Variants in ARL15 observed in about 807,000 individuals in gnomAD.
ARL15 encodes ADP-ribosylation factor-like protein 15.
Under a neutral mutation model 25.2 loss-of-function variants are expected in ARL15, and 19 were observed. The ratio of observed to expected loss-of-function variants is 0.75; its 90% CI spans 0.53 to 1.10. The LOEUF (loss-of-function observed/expected upper bound fraction) is 1.10. Among genes scored for constraint, ARL15 ranks in the 50% least tolerant of loss-of-function variants. The pLI, the probability that ARL15 is intolerant of heterozygous loss-of-function variation, is 0.00. For synonymous variants in ARL15, 94 were observed against 86.8 expected, an observed-to-expected ratio of 1.08 and a Z score of -0.46; for missense variants, 220 against 246.0, an observed-to-expected ratio of 0.89 and a Z score of 0.71.
intron 3 of ARL15, among the ~76,000 whole-genome samples, chr5:54,148,142 A>T (rs1384265573): frequency 6.6e-6 from 1 of 152,240 alleles, no homozygotes; most frequent in Non-Finnish European, 1.5e-5. Context: ...TGTGTACAAA[A>T]GACAGAAACT....
At chr5:54,228,206 C>A (rs1756576236) in intron 1 of ARL15, among the ~76,000 whole-genome samples, 1 of 152,114 alleles carries the variant, frequency 6.6e-6, no homozygotes, top group South Asian at 2.1e-4. Context: ...GCAAAGGGGA[C>A]AAAAATTATC....
At chr5:54,267,842 T>A (rs991837166) in intron 1 of ARL15, among the ~76,000 whole-genome samples, 20 of 152,158 alleles carry the variant, frequency 1.3e-4, no homozygotes, top group African/African-American at 4.8e-4. Context: ...GATCCGCTGT[T>A]AGTCTGATGG....
chr5:54,125,656 A>T, intron 3 of ARL15, among the ~76,000 whole-genome samples: 1 of 152,326 alleles, frequency 6.6e-6, no homozygotes, highest in East Asian at 1.9e-4. Context: ...TTGTTTGAAC[A>T]TCTGTTTTCA....
At chr5:54,135,343 T>TA (rs1753570588) in intron 3 of ARL15, among the ~76,000 whole-genome samples, 1 of 152,174 alleles carries the variant, frequency 6.6e-6, no homozygotes, top group African/African-American at 2.4e-5. Flanking sequence ...ATCATGCTTC[T>TA]AGGCACATAT....
intron 4 of ARL15, among the ~76,000 whole-genome samples, chr5:54,080,000 CACACACACACACACACAG>C (rs68038230): frequency 0.016 from 2,008 of 128,432 alleles, 15 homozygotes; most frequent in Admixed American, 0.022. Flanking sequence ...CACACACACA[CACACACACACACACACAG>C]ACACAGATGT....
chr5:53,997,501 C>T (rs1748719798), intron 4 of ARL15, among the ~76,000 whole-genome samples: 1 of 152,144 alleles, frequency 6.6e-6, no homozygotes, highest in Non-Finnish European at 1.5e-5. Context: ...TCCTCATCAC[C>T]TGATAATTTT....
chr5:53,925,376 T>G (rs994272761), intron 4 of ARL15, among the ~76,000 whole-genome samples: 2 of 152,020 alleles, frequency 1.3e-5, no homozygotes, highest in Non-Finnish European at 2.9e-5. Flanking sequence ...TTTTTACTAT[T>G]TGTAGAGACA....
At chr5:54,067,925 TGTCACACAC>T (rs1244160024) in intron 4 of ARL15, among the ~76,000 whole-genome samples, 6 of 152,208 alleles carry the variant, frequency 3.9e-5, no homozygotes, top group African/African-American at 1.4e-4. Flanking sequence ...TTTTATAGCA[TGTCACACAC>T]ACCACCTTTA....
At chr5:54,043,216 T>C (rs970825822) in intron 4 of ARL15, among the ~76,000 whole-genome samples, 3 of 147,520 alleles carry the variant, frequency 2.0e-5, no homozygotes, top group Non-Finnish European at 4.5e-5. Context: ...TTTTTTTTTT[T>C]AGTACTTTAT....
At chr5:54,029,909 A>G (rs551935446) in intron 4 of ARL15, among the ~76,000 whole-genome samples, 15 of 152,256 alleles carry the variant, frequency 9.9e-5, no homozygotes, top group African/African-American at 3.1e-4. Context: ...AGGCAGGAGA[A>G]TTACGTGAAC....
At chr5:54,289,425 A>G (rs1758266639) in intron 1 of ARL15, among the ~76,000 whole-genome samples, 1 of 152,162 alleles carries the variant, frequency 6.6e-6, no homozygotes, top group Non-Finnish European at 1.5e-5. Context: ...TATTTTTAAG[A>G]GCAGACGTGG....
chr5:54,255,207 A>ATT lies in ARL15; in HGVS notation c.48+55223_48+55224dup, dbSNP rs35565598. 3.0e-3 allele frequency among the ~76,000 whole-genome samples: 445 copies of ATT among 149,854 alleles called. 2 individuals carry two copies. The highest frequency in any genetic ancestry group is 0.01 in the African/African-American group (410 of 40,944). On this transcript the variant is annotated intron_variant, in intron 1 of 4. Coordinates refer to ENST00000504924, the MANE Select transcript of ARL15 (RefSeq NM_019087.3). ...AATGTTCCAAACTCTACTCCACGTC[A>ATT]TTTTTTTTTTATCCTTGCATTTACT...
At chr5:54,222,466 C>T (rs1756405470) in intron 1 of ARL15, among the ~76,000 whole-genome samples, 1 of 152,200 alleles carries the variant, frequency 6.6e-6, no homozygotes, top group Non-Finnish European at 1.5e-5. Flanking sequence ...GTACTTGTTC[C>T]ACAGAAGTCA....
chr5:54,126,684 G>C (rs1003349472), intron 3 of ARL15, among the ~76,000 whole-genome samples: 1 of 152,158 alleles, frequency 6.6e-6, no homozygotes, highest in Admixed American at 6.5e-5. Context: ...AAAGGCTTCA[G>C]GCTGTCAGTT....
intron 2 of ARL15, among the ~76,000 whole-genome samples, chr5:54,165,640 T>C (rs1754539504): frequency 6.6e-6 from 1 of 151,372 alleles, no homozygotes; most frequent in Admixed American, 6.6e-5. Flanking sequence ...TGTACTACTT[T>C]GTTCTCAAGA....
chr5:53,916,940 T>C lies in ARL15; in HGVS notation c.463-30227A>G, dbSNP rs1160903000. ...CCTCCGATATTCAGTAGTCACTCTATTCATATATATATGAAGGAAATCACT... is the reference window on the plus strand; with the variant it reads ...CCTCCGATATTCAGTAGTCACTCTACTCATATATATATGAAGGAAATCACT... On this transcript the variant is annotated intron_variant, in intron 4 of 4. Coordinates refer to ENST00000504924, the MANE Select transcript of ARL15 (RefSeq NM_019087.3). Among the ~76,000 whole-genome samples the C allele has an allele frequency of 3.3e-5, 5 of 152,334 alleles. No homozygotes were observed. The East Asian group carries it at 9.6e-4, about 29-fold the overall frequency.
At chr5:54,017,870 T>G (rs1426296868) in intron 4 of ARL15, among the ~76,000 whole-genome samples, 3 of 152,048 alleles carry the variant, frequency 2.0e-5, no homozygotes, top group African/African-American at 7.2e-5. Flanking sequence ...AAAATCGGAA[T>G]GGACTTCAGT....
Position 54,096,298 on chromosome 5 carries a change from A to G in ARL15, c.462+16904T>C, listed in dbSNP as rs140721102. Among the ~76,000 whole-genome samples, 405 of 152,298 alleles carry G rather than the reference A, an allele frequency of 2.7e-3. 2 individuals are homozygous for G. The highest frequency in any genetic ancestry group is 9.6e-3 in the African/African-American group (397 of 41,560). The stretch of plus-strand genomic sequence containing the variant: ...TAATCTTTGTACCTGTCATTCTGTT[A>G]TTCATTTTTGTACCTCCTTACACAA... On this transcript the variant is annotated intron_variant, in intron 4 of 4. Coordinates refer to ENST00000504924, the MANE Select transcript of ARL15 (RefSeq NM_019087.3).
At chr5:54,290,527 C>T (rs1758297281) in intron 1 of ARL15, among the ~76,000 whole-genome samples, 1 of 151,996 alleles carries the variant, frequency 6.6e-6, no homozygotes, top group African/African-American at 2.4e-5. Flanking sequence ...AGGATGGTCT[C>T]GATCTCCTGA....
Sources: gnomAD v4.1 joint callset for allele counts (sites outside exome capture counted in the v4.1 genomes callset) on GRCh38, gnomAD v4.1.1 for gene constraint, MANE v1.5 for transcripts, NCBI Gene and HGNC (gene_info 2026-07-23, HGNC 2026-07-21) for gene names.